The following SPICE1 variants were observed in gnomAD, a reference collection of about 807,000 sequenced individuals.
SPICE1 encodes spindle and centriole associated protein 1.
A neutral mutation model predicts 102.7 loss-of-function variants in SPICE1; 75 were observed. The observed-to-expected ratio is 0.73, with a 90% CI of 0.61 to 0.88. SPICE1 has a LOEUF of 0.88. Ranked by LOEUF, SPICE1 falls within the 40% of genes least tolerant of loss-of-function variation. SPICE1 has a pLI of 0.00. For missense variants in SPICE1, 979 were observed against 1,020.1 expected (o/e 0.96, Z 0.55); for synonymous variants, 308 against 350.3 (o/e 0.88, Z 1.35).
In SPICE1 at chr3:113,443,434, G is replaced by A. The variant is rs1935434896; in HGVS notation, c.*1873C>T. On this transcript the variant is annotated 3_prime_UTR_variant, in exon 18 of 18. Transcript: ENST00000295872. Reference sequence around the variant, plus strand: ...ACCTCTTACAAGCACTCTGTCATTAGACAACTTTCTTCACCTCTAGGGCTC... The same window carrying A: ...ACCTCTTACAAGCACTCTGTCATTAAACAACTTTCTTCACCTCTAGGGCTC... The A allele has an allele frequency of 6.6e-6, 1 of 152,168 alleles. No homozygotes were observed. The highest frequency in any genetic ancestry group is 2.1e-4 in the South Asian group (1 of 4,820). The allele number at this position is 152,168 out of a possible 1,614,324, so 9.4% of individuals were successfully genotyped here.
chr3:113,489,478 C>T (rs751186475), intron 6 of SPICE1, among the ~76,000 whole-genome samples: 2 of 152,184 alleles, frequency 1.3e-5, no homozygotes, highest in African/African-American at 4.8e-5. Context: ...AACCTCAACA[C>T]ACTTATTTCT....
At chr3:113,506,875 C>A (rs1937123660) in intron 1 of SPICE1, among the ~76,000 whole-genome samples, 1 of 152,086 alleles carries the variant, frequency 6.6e-6, no homozygotes, top group African/African-American at 2.4e-5. Flanking sequence ...GAAATTATGG[C>A]CTAAAGCCGA....
chr3:113,468,913 C>T lies in SPICE1; in HGVS notation c.752-14G>A, dbSNP rs771910141. 4 of 1,598,696 alleles carry T rather than the reference C, an allele frequency of 2.5e-6. No homozygotes were observed. Among genetic ancestry groups the T allele is most frequent in the Middle Eastern group, 3.4e-4 (2 of 5,962 alleles). On this transcript the variant is annotated splice_polypyrimidine_tract_variant and intron_variant, in intron 8 of 17. Coordinates refer to ENST00000295872, the MANE Select transcript of SPICE1 (RefSeq NM_144718.4). ...CATTCAGAGCAGCTAAAAGGAAGAA[C>T]ATTTCCAAAAGTATCTCAAGTGAAC...
chr3:113,494,844 A>C (rs990381212), intron 4 of SPICE1, among the ~76,000 whole-genome samples: 2 of 152,224 alleles, frequency 1.3e-5, no homozygotes, highest in Admixed American at 1.3e-4. Flanking sequence ...TTCACAATTC[A>C]TTAACAAATT....
intron 7 of SPICE1, among the ~76,000 whole-genome samples, chr3:113,471,206 C>CA (rs942633737): frequency 6.6e-6 from 1 of 151,718 alleles, no homozygotes; most frequent in Non-Finnish European, 1.5e-5. Flanking sequence ...CCTTATATGG[C>CA]AAAAAAGGGG....
intron 1 of SPICE1, among the ~76,000 whole-genome samples, chr3:113,507,250 TA>T (rs11302546): frequency 0.043 from 6,567 of 152,212 alleles, 168 homozygotes; most frequent in East Asian, 0.081. Context: ...TGCCACTGTT[TA>T]AACAGCAATG....
intron 7 of SPICE1, among the ~76,000 whole-genome samples, chr3:113,471,859 T>C (rs139117447): frequency 0.043 from 6,527 of 151,880 alleles, 168 homozygotes; most frequent in East Asian, 0.1. Context: ...CCAGCGTGAG[T>C]GACACAGAAG....
intron 7 of SPICE1, among the ~76,000 whole-genome samples, chr3:113,470,195 T>A (rs546015203): frequency 6.6e-6 from 1 of 152,180 alleles, no homozygotes; most frequent in Non-Finnish European, 1.5e-5. Flanking sequence ...AACAAAGAGA[T>A]AAATGGTGGG....
chr3:113,489,151 G>C, intron 6 of SPICE1, 88 bp from the exon 7 acceptor site: 1 of 766,508 alleles, frequency 1.3e-6, no homozygotes, highest in Non-Finnish European at 2.2e-6. Context: ...ACAGAAGAGA[G>C]TTCCCTCCTC....
rs144306589 is a variant in SPICE1, at chr3:113,475,268, G to A, written c.612-6030C>T. On this transcript the variant is annotated intron_variant, in intron 7 of 17. Coordinates refer to ENST00000295872, the MANE Select transcript of SPICE1 (RefSeq NM_144718.4). ...GAATCTCTGAATAGACCAATAACAG[G>A]CTCTGAAATAGTGGCAATAATCAAT... Among the ~76,000 whole-genome samples, 1,235 of 152,274 alleles carry A rather than the reference G, an allele frequency of 8.1e-3. 13 individuals carry two copies. Among genetic ancestry groups the A allele is most frequent in the African/African-American group, 0.028 (1,157 of 41,536 alleles).
At chr3:113,463,797 G>A (rs575806795) in intron 11 of SPICE1, among the ~76,000 whole-genome samples, 27 of 152,236 alleles carry the variant, frequency 1.8e-4, no homozygotes, top group Middle Eastern at 3.4e-3. Context: ...GGCCTGGCGC[G>A]GTGGCTCATG....
At chr3:113,487,257 G>A (rs1205269371) in intron 7 of SPICE1, among the ~76,000 whole-genome samples, 1 of 152,026 alleles carries the variant, frequency 6.6e-6, no homozygotes, top group Non-Finnish European at 1.5e-5. Context: ...AATGTTTGGA[G>A]ACATGCTGCT....
rs771666367 is a variant in SPICE1 at position 113,460,696 on chromosome 3, G to C, written c.1356C>G (p.Asn452Lys). 6.2e-7 allele frequency: 1 copy of C among 1,613,702 alleles called. No individual in the cohort carries two copies. The highest frequency in any genetic ancestry group is 1.1e-5 in the South Asian group (1 of 91,026). Residue 452 changes from asparagine to lysine, a missense_variant, in exon 12 of 18, where the codon AAC becomes AAG. By Grantham distance (94) the Asn-to-Lys change is moderately conservative (BLOSUM62 0). Coordinates refer to ENST00000295872, the MANE Select transcript of SPICE1 (RefSeq NM_144718.4). Reference protein sequence around the residue: ...QLISLTHAIKNCPVINNRQEI... With the variant: ...QLISLTHAIKKCPVINNRQEI... Reference sequence around the variant, plus strand: ...CTTGTCTGTTATTTATCACAGGACAGTTCTTAATAGCATGTGTGAGTGATA... The same window carrying C: ...CTTGTCTGTTATTTATCACAGGACACTTCTTAATAGCATGTGTGAGTGATA...
chr3:113,474,114 A>T (rs1278805971), intron 7 of SPICE1, among the ~76,000 whole-genome samples: 1 of 151,568 alleles, frequency 6.6e-6, no homozygotes, highest in Non-Finnish European at 1.5e-5. Flanking sequence ...AATGGAAAAC[A>T]AAAAAAGGCA....
Position 113,444,498 on chromosome 3 carries a change from C to CAAAAAAAA in SPICE1, c.*801_*808dup, listed in dbSNP as rs11329814. 1.7e-5 allele frequency: 2 copies of CAAAAAAAA among 115,736 alleles called. No homozygotes were observed. Among genetic ancestry groups the CAAAAAAAA allele is most frequent in the Non-Finnish European group, 1.9e-5 (1 of 51,864 alleles). 7.2% of individuals were successfully genotyped at this position (115,736 alleles called of 1,614,324 possible). A position where few individuals can be genotyped will look rare whatever the true frequency, so the allele number is the denominator to read the frequency against. On this transcript the variant is annotated 3_prime_UTR_variant, in exon 18 of 18. Coordinates refer to ENST00000295872, the MANE Select transcript of SPICE1 (RefSeq NM_144718.4). ...TGGGCAATAAAGCAAGACTCTGTCT[C>CAAAAAAAA]AAAAAAAAAAAAAAAAGAGAAATCT...
chr3:113,474,224 C>A (rs1364275506), intron 7 of SPICE1, among the ~76,000 whole-genome samples: 1 of 151,942 alleles, frequency 6.6e-6, no homozygotes, highest in Non-Finnish European at 1.5e-5. Context: ...ATCAATTCAA[C>A]AAGAAGAGCT....
chr3:113,488,891 A>C, intron 7 of SPICE1, 54 bp downstream of exon 7: 1 of 1,026,952 alleles, frequency 9.7e-7, no homozygotes, highest in Non-Finnish European at 1.5e-6. Flanking sequence ...CAAACATTGA[A>C]ATGGCCATGG....
chr3:113,454,454 A>G (rs773980608), intron 13 of SPICE1, among the ~76,000 whole-genome samples: 1 of 152,120 alleles, frequency 6.6e-6, no homozygotes, highest in Non-Finnish European at 1.5e-5. Context: ...CACTCCTATA[A>G]TACCCGCACT....
chr3:113,478,648 A>G (rs1936417234), intron 7 of SPICE1, among the ~76,000 whole-genome samples: 1 of 152,182 alleles, frequency 6.6e-6, no homozygotes, highest in African/African-American at 2.4e-5. Flanking sequence ...ATAGAAACAT[A>G]CTAGTAGTAG....
Sources: gnomAD v4.1 joint callset for allele counts (sites outside exome capture counted in the v4.1 genomes callset) on GRCh38, gnomAD v4.1.1 for gene constraint, MANE v1.5 for transcripts, NCBI Gene and HGNC (gene_info 2026-07-23, HGNC 2026-07-21) for gene names.